The following PPP3CA variants were observed in gnomAD, a reference collection of about 807,000 sequenced individuals.
PPP3CA encodes CAM-PRP catalytic subunit.
In PPP3CA, 14 loss-of-function variants were observed where a neutral mutation model predicts 66.5. The observed-to-expected ratio is 0.21, with a 90% CI of 0.14 to 0.33. The LOEUF (loss-of-function observed/expected upper bound fraction) is 0.33, where lower values mean the gene tolerates loss of function less well. Ranked by LOEUF, PPP3CA falls within the 10% of genes least tolerant of loss-of-function variation. The probability of loss-of-function intolerance (pLI) is 1.00; values close to 1 mark genes in which losing one functional copy is unlikely to be tolerated. For missense variants in PPP3CA, 317 were observed against 639.5 expected, an observed-to-expected ratio of 0.50 and a Z score of 5.44; for synonymous variants, 232 against 226.2, an observed-to-expected ratio of 1.03 and a Z score of -0.23.
intron 3 of PPP3CA, among the ~76,000 whole-genome samples, chr4:101,105,002 C>A (rs374945574): frequency 1.4e-4 from 22 of 152,228 alleles, no homozygotes; most frequent in African/African-American, 5.3e-4. Flanking sequence ...CTTCATATGT[C>A]ACCAACATCC....
intron 2 of PPP3CA, among the ~76,000 whole-genome samples, chr4:101,155,209 T>C (rs946650454): frequency 6.6e-6 from 1 of 152,110 alleles, no homozygotes; most frequent in Non-Finnish European, 1.5e-5. Context: ...GAGGACAAAA[T>C]CTCATTCTTT....
intron 2 of PPP3CA, among the ~76,000 whole-genome samples, chr4:101,151,163 T>C (rs1723124565): frequency 6.6e-6 from 1 of 152,228 alleles, no homozygotes; most frequent in African/African-American, 2.4e-5. Flanking sequence ...ACCGTGACCA[T>C]GGACCTTCAG....
At chr4:101,094,605 C>T (rs1730112578) in intron 5 of PPP3CA, among the ~76,000 whole-genome samples, 3 of 152,092 alleles carry the variant, frequency 2.0e-5, no homozygotes, top group Admixed American at 2.0e-4. Context: ...ATAAACTCAA[C>T]TTTAGCGGGT....
chr4:101,315,429 CATA>C (rs1216627355), intron 1 of PPP3CA, among the ~76,000 whole-genome samples: 1 of 152,184 alleles, frequency 6.6e-6, no homozygotes, highest in Admixed American at 6.5e-5. Context: ...CCCAAGATCA[CATA>C]ATCAGTAAAA....
At chr4:101,096,103 T>C (rs1043966675) in intron 5 of PPP3CA, among the ~76,000 whole-genome samples, 3 of 152,228 alleles carry the variant, frequency 2.0e-5, no homozygotes, top group African/African-American at 7.2e-5. Flanking sequence ...GGTTTATTTA[T>C]TGTGCTTTCG....
intron 1 of PPP3CA, among the ~76,000 whole-genome samples, chr4:101,342,394 G>C (rs1729844972): frequency 6.6e-6 from 1 of 152,076 alleles, no homozygotes; most frequent in Non-Finnish European, 1.5e-5. Context: ...TTACAACAAT[G>C]CACTTGTGTT....
intron 2 of PPP3CA, among the ~76,000 whole-genome samples, chr4:101,148,948 T>C (rs921667948): frequency 1.3e-5 from 2 of 152,174 alleles, no homozygotes; most frequent in African/African-American, 4.8e-5. Context: ...ATCACAGAAA[T>C]TGTTCTTACA....
intron 6 of PPP3CA, among the ~76,000 whole-genome samples, chr4:101,084,155 C>A (rs185779691): frequency 9.9e-4 from 151 of 152,212 alleles, no homozygotes; most frequent in African/African-American, 3.6e-3. Context: ...AACCAATATT[C>A]AAACTGCAAA....
At chr4:101,075,966 T>C (rs1293406367) in intron 8 of PPP3CA, among the ~76,000 whole-genome samples, 1 of 152,176 alleles carries the variant, frequency 6.6e-6, no homozygotes, top group African/African-American at 2.4e-5. Flanking sequence ...GCTTGGTATA[T>C]AGTAAGTTCT....
rs1220088611 is a variant in PPP3CA at position 101,032,346 on chromosome 4, C to T, written c.1260G>A (p.Val420=). ...TTGGGGTCAAGCCTTTCAGCGTCAGCACACTCTCACTCTCTTCTCTGGAAG... is the reference window on the plus strand; with the variant it reads ...TTGGGGTCAAGCCTTTCAGCGTCAGTACACTCTCACTCTCTTCTCTGGAAG... The part of the protein sequence containing the change: ...FSVLREESES[V]LTLKGLTPTG... Residue 420 remains valine (V), a synonymous_variant, in exon 12 of 14, where the codon GTG becomes GTA. Coordinates refer to ENST00000394854, the MANE Select transcript of PPP3CA (RefSeq NM_000944.5). The T allele has an allele frequency of 1.2e-6, 2 of 1,613,156 alleles. No homozygotes were observed. Among genetic ancestry groups the T allele is most frequent in the Non-Finnish European group, 1.7e-6 (2 of 1,179,586 alleles).
At chr4:101,140,265 A>G (rs1396224412) in intron 2 of PPP3CA, among the ~76,000 whole-genome samples, 1 of 152,200 alleles carries the variant, frequency 6.6e-6, no homozygotes, top group Non-Finnish European at 1.5e-5. Flanking sequence ...TTACTCTTCA[A>G]ATTAAACTAG....
At chr4:101,131,211 G>A (rs1722420130) in intron 2 of PPP3CA, among the ~76,000 whole-genome samples, 2 of 150,778 alleles carry the variant, frequency 1.3e-5, no homozygotes, top group African/African-American at 4.9e-5. Flanking sequence ...ACTCCAGGCT[G>A]GGTGACAAAA....
intron 1 of PPP3CA, among the ~76,000 whole-genome samples, chr4:101,327,985 G>GA: frequency 6.6e-6 from 1 of 151,846 alleles, no homozygotes; most frequent in East Asian, 1.9e-4. Context: ...TATCACCAGG[G>GA]AAAAAAAGAA....
At chr4:101,329,390 A>G (rs919596804) in intron 1 of PPP3CA, among the ~76,000 whole-genome samples, 1 of 152,210 alleles carries the variant, frequency 6.6e-6, no homozygotes, top group Admixed American at 6.5e-5. Flanking sequence ...AAGTTGGTTC[A>G]TGACATTTAA....
At chr4:101,130,015 G>A (rs71614682) in intron 2 of PPP3CA, among the ~76,000 whole-genome samples, 14,770 of 152,026 alleles carry the variant, frequency 0.097, 930 homozygotes, top group Middle Eastern at 0.14. Flanking sequence ...CAAGGTTAGA[G>A]GAATTGCTAA....
chr4:101,235,887 C>A (rs901479417), intron 1 of PPP3CA, among the ~76,000 whole-genome samples: 3 of 151,812 alleles, frequency 2.0e-5, no homozygotes, highest in Admixed American at 6.6e-5. Flanking sequence ...ATGAACAATT[C>A]TTTCTGTATT....
At chr4:101,052,315 T>C (rs1006721574) in intron 10 of PPP3CA, among the ~76,000 whole-genome samples, 4 of 152,042 alleles carry the variant, frequency 2.6e-5, no homozygotes, top group African/African-American at 9.7e-5. Context: ...TAGCCCTAAA[T>C]ACGATAAGAA....
At chr4:101,120,154 C>A (rs1432234241) in intron 2 of PPP3CA, among the ~76,000 whole-genome samples, 1 of 152,036 alleles carries the variant, frequency 6.6e-6, no homozygotes, top group Non-Finnish European at 1.5e-5. Flanking sequence ...CCTTACATAT[C>A]TTTCACTAGG....
In PPP3CA at chr4:101,345,144, T is replaced by C. The variant is rs140389270; in HGVS notation, c.58+1595A>G. On this transcript the variant is annotated intron_variant, in intron 1 of 13. Transcript: ENST00000394854. ...TTTGCAGAGCTATTTCCTCATTATTTTCATGGGTATATGAATCCTGCACCG... is the reference window on the plus strand; with the variant it reads ...TTTGCAGAGCTATTTCCTCATTATTCTCATGGGTATATGAATCCTGCACCG... Among the ~76,000 whole-genome samples, 89 of 152,292 alleles carry C rather than the reference T, an allele frequency of 5.8e-4. 2 individuals are homozygous for C. The highest frequency in any genetic ancestry group is 1.1e-3 in the Non-Finnish European group (78 of 68,036).
Sources: gnomAD v4.1 joint callset for allele counts (sites outside exome capture counted in the v4.1 genomes callset) on GRCh38, gnomAD v4.1.1 for gene constraint, MANE v1.5 for transcripts, NCBI Gene and HGNC (gene_info 2026-07-23, HGNC 2026-07-21) for gene names.